The following SMARCAD1 variants were observed in gnomAD, a reference collection of about 807,000 sequenced individuals.
SMARCAD1 encodes the protein SNF2 related chromatin remodeling ATPase with DExD box 1, also known as SWI/SNF-related matrix-associated actin-dependent regulator of chromatin subfamily A containing DEAD/H box 1.
In SMARCAD1, 25 loss-of-function variants were observed where a neutral mutation model predicts 127.1. That is an observed-to-expected ratio of 0.20 (90% CI 0.14 to 0.27). SMARCAD1 has a LOEUF of 0.27. Among genes scored for constraint, SMARCAD1 ranks in the 10% least tolerant of loss-of-function variants. The pLI is 1.00. For synonymous variants in SMARCAD1, 400 were observed against 396.9 expected (o/e 1.01, Z -0.09); for missense variants, 807 against 1,206.0 (o/e 0.67, Z 4.90).
At chr4:94,270,480 A>G in intron 10 of SMARCAD1, 1 of 419,654 alleles carries the variant, frequency 2.4e-6, no homozygotes, top group Non-Finnish European at 4.4e-6. Context: ...GAGGTACTAT[A>G]TTATGACCAA....
chr4:94,241,755 T>C (rs904730816), intron 6 of SMARCAD1, among the ~76,000 whole-genome samples: 9 of 152,122 alleles, frequency 5.9e-5, no homozygotes, highest in African/African-American at 2.2e-4. Context: ...TCCTTGCAGG[T>C]TGAGCACTGA....
intron 21 of SMARCAD1, among the ~76,000 whole-genome samples, chr4:94,282,714 A>G (rs1303800912): frequency 2.0e-5 from 3 of 149,376 alleles, no homozygotes; most frequent in Admixed American, 6.6e-5. Context: ...TTTTTTTTTT[A>G]AAGAAGAGAA....
chr4:94,273,603 T>G lies in SMARCAD1; in HGVS notation c.1573-14T>G. On this transcript the variant is annotated splice_polypyrimidine_tract_variant and intron_variant, in intron 11 of 23. Transcript: ENST00000354268. ...TGTTTTAAAATGTTATATATTGTCT[T>G]TTAAACTTTTTAGGGCCTAGGAAAA... The G allele has an allele frequency of 6.3e-7, 1 of 1,595,654 alleles. No homozygotes were observed. Among genetic ancestry groups the G allele is most frequent in the Non-Finnish European group, 8.6e-7 (1 of 1,164,324 alleles).
chr4:94,241,045 C>CT, intron 6 of SMARCAD1, 39 bp downstream of exon 6: 4 of 1,468,304 alleles, frequency 2.7e-6, no homozygotes, highest in Non-Finnish European at 3.8e-6. Context: ...AAATTGGCTG[C>CT]TTAAGGTTAG....
At chr4:94,284,728 C>T (rs1033591202) in intron 22 of SMARCAD1, among the ~76,000 whole-genome samples, 1 of 152,014 alleles carries the variant, frequency 6.6e-6, no homozygotes, top group Non-Finnish European at 1.5e-5. Context: ...CCACTGTGCC[C>T]AGTCAGTAAT....
chr4:94,207,994 A>G lies in SMARCAD1; in HGVS notation c.-126A>G. The G allele has an allele frequency of 2.6e-6, 1 of 392,072 alleles. No individual in the cohort carries two copies. Among genetic ancestry groups the G allele is most frequent in the South Asian group, 1.9e-5 (1 of 51,972 alleles). 24.3% of individuals were successfully genotyped at this position (392,072 alleles called of 1,614,324 possible). On this transcript the variant is annotated 5_prime_UTR_variant, in exon 1 of 24. Transcript: ENST00000354268. ...TTCTCGAGGCAGGGGGCACGGTAGC[A>G]CAGGGAGCTTCTCTTTGTGGGCGGG... is the stretch of plus-strand genomic sequence containing the variant.
At chr4:94,233,865 G>T in intron 3 of SMARCAD1, 89 bp from the exon 4 acceptor site, 1 of 1,324,140 alleles carries the variant, frequency 7.6e-7, no homozygotes, top group Non-Finnish European at 1.1e-6. Context: ...CTGCAGATGT[G>T]TTGTACTATG....
In SMARCAD1 at chr4:94,255,202, A is replaced by G. The variant is rs544782819; in HGVS notation, c.1281+2195A>G. Among the ~76,000 whole-genome samples, 16 of 152,222 alleles carry G rather than the reference A, an allele frequency of 1.1e-4. No homozygotes were observed. The East Asian group carries it at 2.9e-3, about 28-fold the overall frequency. ...CAAGGTATTAAATATATTAAGAACA[A>G]CCTGCTAACAAATAGTCTGCTCTTT... On this transcript the variant is annotated intron_variant, in intron 9 of 23. Coordinates refer to ENST00000354268, the MANE Select transcript of SMARCAD1 (RefSeq NM_020159.5).
intron 6 of SMARCAD1, among the ~76,000 whole-genome samples, chr4:94,241,983 C>G (rs912130090): frequency 5.3e-5 from 8 of 152,058 alleles, no homozygotes; most frequent in Admixed American, 5.2e-4. Context: ...GCTGAACATT[C>G]ACACAAACAC....
At chr4:94,237,679 A>G (rs949101258) in intron 5 of SMARCAD1, among the ~76,000 whole-genome samples, 6 of 152,122 alleles carry the variant, frequency 3.9e-5, no homozygotes, top group African/African-American at 1.4e-4. Context: ...CAAAATGTAA[A>G]TATATTGGTT....
chr4:94,236,825 C>T (rs1489834730), intron 4 of SMARCAD1, 127 bp from the exon 5 acceptor site: 1 of 777,360 alleles, frequency 1.3e-6, no homozygotes, highest in Admixed American at 2.1e-5. Context: ...ACTTAATGAA[C>T]TTAAACTATG....
chr4:94,219,682 A>G (rs1240560493), intron 2 of SMARCAD1, among the ~76,000 whole-genome samples: 1 of 152,228 alleles, frequency 6.6e-6, no homozygotes, highest in African/African-American at 2.4e-5. Context: ...TAATAAGAAA[A>G]TATCTTTAAA....
intron 14 of SMARCAD1, among the ~76,000 whole-genome samples, chr4:94,275,513 G>T (rs1019601173): frequency 1.3e-5 from 2 of 152,060 alleles, no homozygotes; most frequent in African/African-American, 2.4e-5. Context: ...GGCTTCTTGT[G>T]TAGGAGTCTG....
At chr4:94,255,100 C>T (rs1278357687) in intron 9 of SMARCAD1, among the ~76,000 whole-genome samples, 5 of 151,966 alleles carry the variant, frequency 3.3e-5, no homozygotes, top group Admixed American at 2.0e-4. Flanking sequence ...GTGTTGATAG[C>T]TGCCATATTT....
rs1215552355 is a variant in SMARCAD1, at chr4:94,211,954, G to A, written c.190+3370G>A. 4.2e-5 allele frequency among the ~76,000 whole-genome samples: 5 copies of A among 120,220 alleles called. No homozygotes were observed. In the Admixed American group the frequency reaches 5.7e-4, roughly 14 times the overall value. The allele number at this position is 120,220 out of a possible 152,430, so 78.9% of individuals were successfully genotyped here. On this transcript the variant is annotated intron_variant, in intron 2 of 23. Transcript: ENST00000354268. ...TTATCACTAGCTAACCTTTCATTAT[G>A]TAGTTGTGTATCACTAGCTAACATT...
Position 94,214,265 on chromosome 4 carries a change from GT to G in SMARCAD1, c.190+5698del, listed in dbSNP as rs11418046. 9.0e-3 allele frequency among the ~76,000 whole-genome samples: 1,186 copies of G among 131,642 alleles called. 3 individuals carry two copies. The highest frequency in any genetic ancestry group is 9.9e-3 in the African/African-American group (351 of 35,378). 86.4% of individuals were successfully genotyped at this position (131,642 alleles called of 152,430 possible). ...ATTATTGAAAATTGAGCGTTCTTTT[GT>G]TTTTTTTTTTTTTTTTGAGACAGTT... On this transcript the variant is annotated intron_variant, in intron 2 of 23. Transcript: ENST00000354268.
intron 6 of SMARCAD1, among the ~76,000 whole-genome samples, chr4:94,243,508 A>G (rs1322392340): frequency 1.3e-5 from 2 of 152,206 alleles, no homozygotes; most frequent in East Asian, 1.9e-4. Context: ...TCTGTGGTCA[A>G]CCATTCTGCT....
At chr4:94,237,132 A>T in intron 5 of SMARCAD1, 114 bp downstream of exon 5, 3 of 894,330 alleles carry the variant, frequency 3.4e-6, no homozygotes, top group Non-Finnish European at 5.5e-6. Context: ...TTCTTACAGG[A>T]ATTTGTGAGG....
intron 16 of SMARCAD1, among the ~76,000 whole-genome samples, chr4:94,278,075 G>A (rs1753550430): frequency 6.6e-6 from 1 of 152,052 alleles, no homozygotes; most frequent in African/African-American, 2.4e-5. Context: ...TACCCCCCAC[G>A]CTCCTCCTTA....
Sources: gnomAD v4.1 joint callset for allele counts (sites outside exome capture counted in the v4.1 genomes callset) on GRCh38, gnomAD v4.1.1 for gene constraint, MANE v1.5 for transcripts, NCBI Gene and HGNC (gene_info 2026-07-23, HGNC 2026-07-21) for gene names.